MSRA: variants seen among roughly 807,000 people sequenced by gnomAD.
MSRA encodes the protein methionine sulfoxide reductase A.
Under a neutral mutation model 31.3 loss-of-function variants are expected in MSRA, and 54 were observed. That is an observed-to-expected ratio of 1.73 (90% CI 1.39 to 2.17). MSRA has a LOEUF of 2.17. Ranked by LOEUF, MSRA falls within the 30% of genes most tolerant of loss-of-function variation. MSRA has a pLI of 0.00. For synonymous variants in MSRA, 169 were observed against 116.5 expected, an observed-to-expected ratio of 1.45 and a Z score of -2.90; for missense variants, 507 against 300.9, an observed-to-expected ratio of 1.69 and a Z score of -5.07.
At chr8:10,294,085 TCTCAGCTACTTAGGAGGCTGAGG>T (rs1222441633) in intron 3 of MSRA, among the ~76,000 whole-genome samples, 2 of 152,092 alleles carry the variant, frequency 1.3e-5, no homozygotes, top group East Asian at 3.9e-4. Context: ...GCACCTATAA[TCTCAGCTACTTAGGAGGCTGAGG>T]CAGAATTGCT....
chr8:10,177,058 A>G (rs545167293), intron 1 of MSRA, among the ~76,000 whole-genome samples: 1 of 152,344 alleles, frequency 6.6e-6, no homozygotes, highest in South Asian at 2.1e-4. Context: ...ATGGTTCTCA[A>G]GACTTGTTCA....
intron 2 of MSRA, among the ~76,000 whole-genome samples, chr8:10,230,077 C>T (rs1212573717): frequency 2.0e-5 from 3 of 152,132 alleles, no homozygotes; most frequent in Middle Eastern, 3.2e-3. Context: ...TTTTTCCACC[C>T]GAGGAGCCTC....
At chr8:10,427,943 A>C (rs968815077) in intron 5 of MSRA, among the ~76,000 whole-genome samples, 2 of 152,244 alleles carry the variant, frequency 1.3e-5, no homozygotes, top group African/African-American at 4.8e-5. Flanking sequence ...ACCTGATTTC[A>C]GTTCCCAGTC....
chr8:10,416,550 G>A (rs959236101), intron 5 of MSRA, among the ~76,000 whole-genome samples: 4 of 152,202 alleles, frequency 2.6e-5, no homozygotes, highest in African/African-American at 7.2e-5. Context: ...GGACGCTTCC[G>A]CTAGTGCTTT....
At chr8:10,382,762 T>C (rs17151871) in intron 5 of MSRA, among the ~76,000 whole-genome samples, 1,596 of 152,300 alleles carry the variant, frequency 0.01, 26 homozygotes, top group African/African-American at 0.036. Flanking sequence ...TTCTCCTTAG[T>C]CATGGAAGGA....
chr8:10,389,928 G>T (rs1353562774), intron 5 of MSRA, among the ~76,000 whole-genome samples: 1 of 151,974 alleles, frequency 6.6e-6, no homozygotes, highest in Admixed American at 6.5e-5. Context: ...AGGCCCAAAC[G>T]GTCAGATTCT....
chr8:10,060,728 A>T (rs188802018), intron 1 of MSRA, among the ~76,000 whole-genome samples: 1 of 151,426 alleles, frequency 6.6e-6, no homozygotes, highest in Admixed American at 6.6e-5. Context: ...TTTTGGCGTG[A>T]TTGAAAAATC....
chr8:10,199,827 T>A (rs902945683), intron 1 of MSRA, among the ~76,000 whole-genome samples: 4 of 152,192 alleles, frequency 2.6e-5, no homozygotes, highest in African/African-American at 9.7e-5. Context: ...GTTGATGAAA[T>A]GGAGTCCTTG....
chr8:10,105,946 C>A (rs1475102436), intron 1 of MSRA, among the ~76,000 whole-genome samples: 1 of 152,200 alleles, frequency 6.6e-6, no homozygotes, highest in East Asian at 1.9e-4. Context: ...AGGCAGCACT[C>A]CCTCTTTCCC....
chr8:10,227,822 AG>A (rs1406069197), intron 2 of MSRA, among the ~76,000 whole-genome samples: 1 of 152,250 alleles, frequency 6.6e-6, no homozygotes, highest in Non-Finnish European at 1.5e-5. Context: ...TATTAGCAGA[AG>A]GTATTTTCAA....
intron 1 of MSRA, among the ~76,000 whole-genome samples, chr8:10,154,343 G>C (rs1247121272): frequency 6.6e-6 from 1 of 152,030 alleles, no homozygotes; most frequent in East Asian, 1.9e-4. Flanking sequence ...TACGATGGAA[G>C]GCTGAAGGAC....
At chr8:10,315,929 A>G (rs1801686950) in intron 4 of MSRA, among the ~76,000 whole-genome samples, 1 of 152,374 alleles carries the variant, frequency 6.6e-6, no homozygotes, top group African/African-American at 2.4e-5. Context: ...TCACACTATG[A>G]TAACTTTTGA....
At chr8:10,366,806 A>C (rs1274589681) in intron 5 of MSRA, among the ~76,000 whole-genome samples, 11 of 152,102 alleles carry the variant, frequency 7.2e-5, no homozygotes, top group Admixed American at 7.2e-4. Flanking sequence ...TGAGTGAATC[A>C]GTAAATTGCT....
chr8:10,307,999 T>A (rs1412166078), intron 4 of MSRA, among the ~76,000 whole-genome samples: 1 of 152,196 alleles, frequency 6.6e-6, no homozygotes, highest in Non-Finnish European at 1.5e-5. Flanking sequence ...GGCATTCTCT[T>A]CCACTTCCTC....
At chr8:10,398,747 C>T (rs1807258825) in intron 5 of MSRA, among the ~76,000 whole-genome samples, 1 of 152,196 alleles carries the variant, frequency 6.6e-6, no homozygotes, top group Non-Finnish European at 1.5e-5. Context: ...GGATTTGTTT[C>T]TATTCAGATG....
At chr8:10,218,394 C>G (rs572115810) in intron 2 of MSRA, among the ~76,000 whole-genome samples, 10 of 152,270 alleles carry the variant, frequency 6.6e-5, no homozygotes, top group Non-Finnish European at 1.0e-4. Context: ...ATCCACCCGT[C>G]TCAGCCTCCC....
chr8:10,203,697 A>G (rs576347613), intron 1 of MSRA, among the ~76,000 whole-genome samples: 20 of 152,254 alleles, frequency 1.3e-4, no homozygotes, highest in Non-Finnish European at 2.1e-4. Flanking sequence ...TTGCTATACT[A>G]TACTTTTTGT....
rs150246339 is a variant in MSRA, at chr8:10,393,257, G to C, written c.544-34891G>C. ...CCCATTCTGCTTTCAGAGTGGATGC[G>C]GTGCCAGGGGGTTTGTTTCCTTGCC... is the stretch of plus-strand genomic sequence containing the variant. On this transcript the variant is annotated intron_variant, in intron 5 of 5. Transcript: ENST00000317173. 2.1e-3 allele frequency among the ~76,000 whole-genome samples: 320 copies of C among 152,196 alleles called. 5 individuals carry two copies. The highest frequency in any genetic ancestry group is 7.3e-3 in the African/African-American group (302 of 41,520).
chr8:10,075,854 T>G (rs1284601314), intron 1 of MSRA, among the ~76,000 whole-genome samples: 1 of 152,206 alleles, frequency 6.6e-6, no homozygotes, highest in Non-Finnish European at 1.5e-5. Context: ...TTCCTCTCTT[T>G]TCCTAATACC....
Sources: allele counts gnomAD v4.1 joint callset (sites outside exome capture counted in the v4.1 genomes callset), GRCh38; gene constraint gnomAD v4.1.1; transcripts MANE v1.5; gene names NCBI Gene and HGNC (gene_info 2026-07-23, HGNC 2026-07-21).